Variants in ANAPC5 observed in about 807,000 individuals in gnomAD.
The protein encoded by ANAPC5 is anaphase promoting complex subunit 5, also known as anaphase-promoting complex subunit 5.
In ANAPC5, 60 loss-of-function variants were observed where a neutral mutation model predicts 91.3. That is an observed-to-expected ratio of 0.66 (90% CI 0.53 to 0.81). The LOEUF (loss-of-function observed/expected upper bound fraction) is 0.81, where lower values mean the gene tolerates loss of function less well. ANAPC5 is among the 40% of genes least tolerant of loss of function. The probability of loss-of-function intolerance (pLI) is 0.00; values close to 1 mark genes in which losing one functional copy is unlikely to be tolerated. For missense variants in ANAPC5, 690 were observed against 931.5 expected, an observed-to-expected ratio of 0.74 and a Z score of 3.37; for synonymous variants, 340 against 364.1, an observed-to-expected ratio of 0.93 and a Z score of 0.75.
At chr12:121,313,609 A>C (rs1415337638) in intron 15 of ANAPC5, among the ~76,000 whole-genome samples, 3 of 152,228 alleles carry the variant, frequency 2.0e-5, no homozygotes, top group African/African-American at 7.2e-5. Context: ...GGATTATACA[A>C]GAATACCATG....
At chr12:121,317,699 A>G (rs747623732) in intron 15 of ANAPC5, among the ~76,000 whole-genome samples, 7 of 152,218 alleles carry the variant, frequency 4.6e-5, no homozygotes, top group Non-Finnish European at 1.0e-4. Context: ...CTCCGCAATA[A>G]TTCTAATGTA....
intron 11 of ANAPC5, among the ~76,000 whole-genome samples, chr12:121,321,890 A>G (rs1186614629): frequency 6.8e-6 from 1 of 147,830 alleles, no homozygotes; most frequent in Non-Finnish European, 1.5e-5. Flanking sequence ...TTTCTGAGAC[A>G]GAGTCTCACT....
intron 12 of ANAPC5, 146 bp from the exon 13 acceptor site, chr12:121,319,964 A>G (rs1902530114): frequency 1.3e-6 from 1 of 776,070 alleles, no homozygotes; most frequent in Non-Finnish European, 1.9e-6. Flanking sequence ...TTTTTTTAAA[A>G]TATCTCAAGT....
At chr12:121,331,488 T>C (rs1903042330) in intron 7 of ANAPC5, 60 bp from the exon 8 acceptor site, 7 of 1,409,956 alleles carry the variant, frequency 5.0e-6, no homozygotes, top group African/African-American at 2.8e-5. Flanking sequence ...TAAGCAACCA[T>C]AGCAGGAAGT....
chr12:121,352,724 G>T (rs756643861), upstream of ANAPC5, among the ~76,000 whole-genome samples: 2 of 127,956 alleles, frequency 1.6e-5, no homozygotes, highest in South Asian at 2.4e-4. Context: ...GTTGTTGGTG[G>T]TGGTGGTGGT....
At position 121,309,866 on chromosome 12, in the gene ANAPC5, G is replaced by GA; in HGVS notation, c.1894-4dup. 1 of 1,611,324 alleles carries GA rather than the reference G, an allele frequency of 6.2e-7. No individual in the cohort carries two copies. Among genetic ancestry groups the GA allele is most frequent in the Non-Finnish European group, 8.5e-7 (1 of 1,178,944 alleles). On this transcript the variant is annotated splice_region_variant and splice_polypyrimidine_tract_variant and intron_variant, in intron 15 of 16. Transcript: ENST00000261819. ...TGTTCTGGGATTCCAAGAATGAGCT[G>GA]AAAAAGAAACATCATGGCACTGTAC...
chr12:121,340,110 T>A (rs1475239004), intron 5 of ANAPC5, among the ~76,000 whole-genome samples: 1 of 151,526 alleles, frequency 6.6e-6, no homozygotes, highest in Non-Finnish European at 1.5e-5. Context: ...TGAGGTCAGG[T>A]GTTTGAGACC....
chr12:121,335,873 G>T, intron 6 of ANAPC5, 150 bp from the exon 7 acceptor site: 1 of 630,694 alleles, frequency 1.6e-6, no homozygotes, highest in Non-Finnish European at 2.5e-6. Context: ...CTCCCTAGAG[G>T]CAGAATAAAA....
chr12:121,351,703 C>T (rs138537425), intron 1 of ANAPC5, among the ~76,000 whole-genome samples: 2 of 152,158 alleles, frequency 1.3e-5, no homozygotes, highest in East Asian at 3.9e-4. Context: ...GTGATCCACC[C>T]GCCTTACCCT....
chr12:121,315,012 G>C (rs1242178281), intron 15 of ANAPC5, among the ~76,000 whole-genome samples: 1 of 152,002 alleles, frequency 6.6e-6, no homozygotes, highest in Non-Finnish European at 1.5e-5. Flanking sequence ...GGGCATCTAA[G>C]TGGGAATGGA....
At chr12:121,312,844 C>A (rs1427764073) in intron 15 of ANAPC5, among the ~76,000 whole-genome samples, 3 of 151,060 alleles carry the variant, frequency 2.0e-5, no homozygotes, top group Non-Finnish European at 4.4e-5. Flanking sequence ...TGTGCCACTG[C>A]ACTCCAACCT....
At chr12:121,329,603 C>T (rs1270930200) in intron 9 of ANAPC5, among the ~76,000 whole-genome samples, 1 of 151,108 alleles carries the variant, frequency 6.6e-6, no homozygotes, top group Non-Finnish European at 1.5e-5. Context: ...TAAGGTTCTC[C>T]AAGCTTGTGC....
chr12:121,319,944 G>A (rs1439126783), intron 12 of ANAPC5, 126 bp from the exon 13 acceptor site: 5 of 977,076 alleles, frequency 5.1e-6, no homozygotes, highest in African/African-American at 3.5e-5. Flanking sequence ...TTTTTTGGGG[G>A]GATTTAAAAT....
intron 15 of ANAPC5, among the ~76,000 whole-genome samples, chr12:121,315,314 C>G (rs1223108662): frequency 6.6e-6 from 1 of 152,150 alleles, no homozygotes; most frequent in Admixed American, 6.6e-5. Flanking sequence ...GGAAAGACAT[C>G]CTGTGTTCAT....
At chr12:121,320,271 G>A (rs1323173863) in intron 12 of ANAPC5, 114 bp downstream of exon 12, 1 of 975,544 alleles carries the variant, frequency 1.0e-6, no homozygotes, top group African/African-American at 1.7e-5. Flanking sequence ...CCTTTGACAA[G>A]TTCCTTTTTA....
intron 4 of ANAPC5, among the ~76,000 whole-genome samples, chr12:121,344,222 C>T (rs1176413260): frequency 6.6e-6 from 1 of 152,104 alleles, no homozygotes; most frequent in Non-Finnish European, 1.5e-5. Flanking sequence ...AACAGATAAG[C>T]AAGCAAGCAA....
At chr12:121,329,934 C>T (rs1373475835) in intron 9 of ANAPC5, among the ~76,000 whole-genome samples, 1 of 152,158 alleles carries the variant, frequency 6.6e-6, no homozygotes, top group African/African-American at 2.4e-5. Context: ...TTTTCAATGC[C>T]CCTCTGTGTA....
At chr12:121,315,077 T>C (rs1902304653) in intron 15 of ANAPC5, among the ~76,000 whole-genome samples, 1 of 147,326 alleles carries the variant, frequency 6.8e-6, no homozygotes, top group Non-Finnish European at 1.5e-5. Context: ...TACAAAACCA[T>C]AAAAAAAAAA....
chr12:121,337,719 C>T (rs1464042649), intron 5 of ANAPC5, among the ~76,000 whole-genome samples: 1 of 152,158 alleles, frequency 6.6e-6, no homozygotes, highest in African/African-American at 2.4e-5. Context: ...CCACCTGCTT[C>T]TGTCACCTTC....
Sources: gnomAD v4.1 joint callset for allele counts (sites outside exome capture counted in the v4.1 genomes callset) on GRCh38, gnomAD v4.1.1 for gene constraint, MANE v1.5 for transcripts, NCBI Gene and HGNC (gene_info 2026-07-23, HGNC 2026-07-21) for gene names.